Variants in PCDHA12 observed in about 807,000 individuals in gnomAD.
PCDHA12 encodes protocadherin alpha-12.
In PCDHA12, 44 loss-of-function variants were observed where a neutral mutation model predicts 60.0. The observed-to-expected ratio is 0.73, with a 90% CI of 0.58 to 0.94. The LOEUF (loss-of-function observed/expected upper bound fraction) is 0.94, where lower values mean the gene tolerates loss of function less well. Ranked by LOEUF, PCDHA12 falls within the 40% of genes least tolerant of loss-of-function variation. The pLI, the probability that PCDHA12 is intolerant of heterozygous loss-of-function variation, is 0.00. For synonymous variants in PCDHA12, 569 were observed against 553.0 expected, an observed-to-expected ratio of 1.03 and a Z score of -0.40; for missense variants, 1,276 against 1,239.7, an observed-to-expected ratio of 1.03 and a Z score of -0.44.
chr5:140,924,896 AAAAAAAAAAT>A (rs1244420537), intron 1 of PCDHA12, among the ~76,000 whole-genome samples: 4 of 69,138 alleles, frequency 5.8e-5, no homozygotes, highest in African/African-American at 1.0e-4. Flanking sequence ...ACCTGTCTCA[AAAAAAAAAAT>A]AAAATAAAAT....
intron 3 of PCDHA12, among the ~76,000 whole-genome samples, chr5:140,992,330 C>A (rs1240004004): frequency 6.6e-6 from 1 of 152,070 alleles, no homozygotes. Context: ...TTTCTAAGAG[C>A]AAAGATGGAA....
At chr5:140,984,633 T>G (rs2097112196) in intron 3 of PCDHA12, among the ~76,000 whole-genome samples, 1 of 152,206 alleles carries the variant, frequency 6.6e-6, no homozygotes, top group African/African-American at 2.4e-5. Flanking sequence ...AAAGGGATTC[T>G]CTGCCTTCTC....
At chr5:140,945,481 C>T (rs269552) in intron 1 of PCDHA12, among the ~76,000 whole-genome samples, 33,891 of 151,742 alleles carry the variant, frequency 0.22, 4,873 homozygotes, top group African/African-American at 0.41. Flanking sequence ...ACAAAACACC[C>T]CAAATACCCA....
chr5:140,986,397 C>G (rs943993265), intron 3 of PCDHA12, among the ~76,000 whole-genome samples: 1 of 152,162 alleles, frequency 6.6e-6, no homozygotes. Context: ...AAGGGCCAGT[C>G]GCTCATGTTA....
intron 1 of PCDHA12, among the ~76,000 whole-genome samples, chr5:140,936,452 T>C (rs1447343887): frequency 2.0e-5 from 3 of 152,216 alleles, no homozygotes; most frequent in African/African-American, 7.2e-5. Flanking sequence ...ACCACATCTG[T>C]TTAGTGGTTG....
At chr5:140,970,810 A>G (rs2096434442) in intron 1 of PCDHA12, among the ~76,000 whole-genome samples, 1 of 152,138 alleles carries the variant, frequency 6.6e-6, no homozygotes. Flanking sequence ...TTACATTTCA[A>G]GTTCATGGTA....
At chr5:140,882,129 T>C (rs2153382855) in intron 1 of PCDHA12, 5 of 1,473,110 alleles carry the variant, frequency 3.4e-6, no homozygotes, top group Non-Finnish European at 2.7e-6. Context: ...TCTTTCTTCC[T>C]GCAGAAAATA....
chr5:140,995,529 C>G (rs1191657600), intron 3 of PCDHA12, among the ~76,000 whole-genome samples: 1 of 152,078 alleles, frequency 6.6e-6, no homozygotes, highest in East Asian at 1.9e-4. Flanking sequence ...GAAATCAAAC[C>G]TCAAATAAGG....
At chr5:140,989,996 A>G (rs1554251207) in intron 3 of PCDHA12, among the ~76,000 whole-genome samples, 1 of 152,144 alleles carries the variant, frequency 6.6e-6, no homozygotes, top group Non-Finnish European at 1.5e-5. Context: ...GAAATTGTCT[A>G]TCTCCAAGGG....
At position 140,875,508 on chromosome 5, in the gene PCDHA12, G is replaced by A. The variant is rs1007736035; in HGVS notation, c.36G>A (p.Gln12=). 1.2e-5 allele frequency: 19 copies of A among 1,613,588 alleles called. No homozygotes were observed. Among genetic ancestry groups the A allele is most frequent in the Non-Finnish European group, 1.6e-5 (19 of 1,179,718 alleles). The change falls in exon 1 of 4, where the codon CAG becomes CAA. Residue 12 remains glutamine, a synonymous_variant. Coordinates refer to ENST00000398631, the MANE Select transcript of PCDHA12 (RefSeq NM_018903.4). ...VIIGPRGPGS[Q]RLLLSLLLLA... Reference sequence around the variant, plus strand: ...TCGGACCAAGAGGCCCGGGATCCCAGCGTCTGCTGCTCTCGCTTCTGCTCC... The same window carrying A: ...TCGGACCAAGAGGCCCGGGATCCCAACGTCTGCTGCTCTCGCTTCTGCTCC...
rs1582389090 is a variant in PCDHA12, at chr5:140,877,511, C to T, written c.2039C>T (p.Ser680Leu). 1.2e-6 allele frequency: 2 copies of T among 1,613,808 alleles called. No individual in the cohort carries two copies. Among genetic ancestry groups the T allele is most frequent in the Non-Finnish European group, 1.7e-6 (2 of 1,179,878 alleles). ...AACGGCCAGGCCCCAAAGACGTCGT[C>T]GCGGGCCTCAGTGGGCGCTGTGGAT... ...VENGQAPKTSSRASVGAVDPE... is the reference protein window; with the variant it reads ...VENGQAPKTSLRASVGAVDPE... Residue 680 changes from serine to leucine, a missense_variant, in exon 1 of 4, where the codon TCG becomes TTG. Coordinates refer to ENST00000398631, the MANE Select transcript of PCDHA12 (RefSeq NM_018903.4).
rs1207602014 is a variant in PCDHA12 at position 140,886,275 on chromosome 5, T to A, written c.2367+8436T>A. On this transcript the variant is annotated intron_variant, in intron 1 of 3. Transcript: ENST00000398631. ...ATCTCTATTTATAGATAAAATTTTT[T>A]AAAATTATTTTTATATTTATTTATT... 5.9e-5 allele frequency among the ~76,000 whole-genome samples: 9 copies of A among 152,098 alleles called. No homozygotes were observed. In the East Asian group the frequency reaches 1.5e-3, roughly 26 times the overall value.
Position 140,929,404 on chromosome 5 carries a change from G to A in PCDHA12, c.2368-49545G>A, listed in dbSNP as rs530409256. 1.4e-5 allele frequency: 21 copies of A among 1,506,596 alleles called. No individual in the cohort carries two copies. The South Asian group carries it at 1.9e-4, about 14-fold the overall frequency. The allele number at this position is 1,506,596 out of a possible 1,614,324, so 93.3% of individuals were successfully genotyped here. A position where few individuals can be genotyped will look rare whatever the true frequency, so the allele number is the denominator to read the frequency against. ...GTGTTTTGAAATATTTCTTAGACAAGCCTTTCACAACATTTCATCAATTGA... is the reference window on the plus strand; with the variant it reads ...GTGTTTTGAAATATTTCTTAGACAAACCTTTCACAACATTTCATCAATTGA... On this transcript the variant is annotated intron_variant, in intron 1 of 3. Coordinates refer to ENST00000398631, the MANE Select transcript of PCDHA12 (RefSeq NM_018903.4).
intron 1 of PCDHA12, among the ~76,000 whole-genome samples, chr5:140,897,748 C>G (rs565250286): frequency 6.6e-5 from 10 of 152,214 alleles, no homozygotes; most frequent in Non-Finnish European, 1.5e-4. Flanking sequence ...GTTCTAGATC[C>G]CTGAGGAATC....
intron 1 of PCDHA12, chr5:140,884,453 G>A (rs2060182161): frequency 2.5e-6 from 4 of 1,613,658 alleles, no homozygotes; most frequent in Admixed American, 1.7e-5. Flanking sequence ...ACCGCCCACC[G>A]AGGGCGCGTG....
chr5:140,879,055 A>C (rs1048447920), intron 1 of PCDHA12, among the ~76,000 whole-genome samples: 2 of 152,214 alleles, frequency 1.3e-5, no homozygotes, highest in Non-Finnish European at 2.9e-5. Context: ...ACAACATTTT[A>C]CCAAGAAAGT....
In PCDHA12 at chr5:141,011,722, G is replaced by T. The variant is rs1229946779; in HGVS notation, c.*1785G>T. On this transcript the variant is annotated 3_prime_UTR_variant, in exon 4 of 4. Transcript: ENST00000398631. Reference sequence around the variant, plus strand: ...TGAATACTGACAATATTCCATGAGGGTGTGCAAGCACAAATTTTACCAATC... The same window carrying T: ...TGAATACTGACAATATTCCATGAGGTTGTGCAAGCACAAATTTTACCAATC... The T allele has an allele frequency of 6.5e-6, 1 of 153,690 alleles. No homozygotes were observed. The highest frequency in any genetic ancestry group is 1.5e-5 in the Non-Finnish European group (1 of 68,018). 9.5% of individuals were successfully genotyped at this position (153,690 alleles called of 1,614,324 possible).
intron 1 of PCDHA12, among the ~76,000 whole-genome samples, chr5:140,948,767 T>G (rs1266601836): frequency 6.6e-6 from 1 of 151,640 alleles, no homozygotes; most frequent in Non-Finnish European, 1.5e-5. Context: ...TTTTTTCGAA[T>G]AGCCAGCTTT....
chr5:141,005,000 G>A (rs2098192261), intron 3 of PCDHA12, among the ~76,000 whole-genome samples: 1 of 152,176 alleles, frequency 6.6e-6, no homozygotes, highest in Non-Finnish European at 1.5e-5. Context: ...GGTCTCCTAA[G>A]CCCTGAGAGC....
Sources: gnomAD v4.1 joint callset for allele counts (sites outside exome capture counted in the v4.1 genomes callset) on GRCh38, gnomAD v4.1.1 for gene constraint, MANE v1.5 for transcripts, NCBI Gene and HGNC (gene_info 2026-07-23, HGNC 2026-07-21) for gene names.